Variants in IL1R2 observed in about 807,000 individuals in gnomAD.
IL1R2 encodes the protein interleukin 1 receptor type 2, also known as interleukin-1 receptor type 2.
A neutral mutation model predicts 39.5 loss-of-function variants in IL1R2; 46 were observed. That is an observed-to-expected ratio of 1.16 (90% CI 0.92 to 1.49). The LOEUF is 1.49. IL1R2 is among the 40% of genes most tolerant of loss of function. The probability of loss-of-function intolerance (pLI) is 0.00; values close to 1 mark genes in which losing one functional copy is unlikely to be tolerated. For missense variants in IL1R2, 537 were observed against 502.0 expected (o/e 1.07, Z -0.67); for synonymous variants, 207 against 189.6 (o/e 1.09, Z -0.75).
At chr2:102,015,163 T>C (rs1192959995) in intron 3 of IL1R2, among the ~76,000 whole-genome samples, 4 of 152,174 alleles carry the variant, frequency 2.6e-5, no homozygotes, top group African/African-American at 9.7e-5. Flanking sequence ...AAACAATCTC[T>C]GCATGTGGAT....
At position 102,024,540 on chromosome 2, in the gene IL1R2, A is replaced by C. The variant is rs1298141595; in HGVS notation, c.759A>C (p.Arg253Ser). 3.1e-6 allele frequency: 5 copies of C among 1,613,880 alleles called. No homozygotes were observed. The highest frequency in any genetic ancestry group is 4.2e-6 in the Non-Finnish European group (5 of 1,179,828). Residue 253 changes from arginine (R) to serine (S), a missense_variant, in exon 7 of 9, where the codon AGA (arginine) becomes AGC (serine). Coordinates refer to ENST00000332549, the MANE Select transcript of IL1R2 (RefSeq NM_004633.4). ...GTGCCTTGCCATCCACAGGGTCAAG[A>C]CTGACAATCCCGTGTAAGGTGTTTC... Reference protein sequence around the residue: ...LKTISASLGSRLTIPCKVFLG... With the variant: ...LKTISASLGSSLTIPCKVFLG...
intron 7 of IL1R2, among the ~76,000 whole-genome samples, chr2:102,025,027 A>G (rs1302053220): frequency 6.6e-6 from 1 of 152,186 alleles, no homozygotes; most frequent in Non-Finnish European, 1.5e-5. Flanking sequence ...AACCCTTAAA[A>G]AGACCCTGAG....
intron 1 of IL1R2, among the ~76,000 whole-genome samples, chr2:102,001,287 AC>A (rs1675844675): frequency 6.6e-6 from 1 of 152,224 alleles, no homozygotes; most frequent in South Asian, 2.1e-4. Flanking sequence ...TTGCTGGCAG[AC>A]AGTATAAAGA....
intron 4 of IL1R2, among the ~76,000 whole-genome samples, chr2:102,017,398 G>GAAAAAAAAA (rs56358561): frequency 5.3e-5 from 6 of 113,354 alleles, no homozygotes; most frequent in Admixed American, 1.8e-4. Flanking sequence ...CTCCATCTCA[G>GAAAAAAAAA]AAAAAAAAAA....
intron 6 of IL1R2, 80 bp from the exon 7 acceptor site, chr2:102,024,453 G>A (rs1376931712): frequency 1.0e-6 from 1 of 977,630 alleles, no homozygotes; most frequent in Non-Finnish European, 1.7e-6. Flanking sequence ...AGAAGCCGAG[G>A]AGGGACTCAG....
At chr2:102,007,700 A>G (rs148346902) in intron 1 of IL1R2, among the ~76,000 whole-genome samples, 127 of 152,306 alleles carry the variant, frequency 8.3e-4, no homozygotes, top group Non-Finnish European at 1.3e-3. Context: ...TTTTTCCCCT[A>G]TTGAAAAGCA....
intron 3 of IL1R2, among the ~76,000 whole-genome samples, chr2:102,010,969 C>T (rs1015892735): frequency 5.9e-5 from 9 of 152,122 alleles, no homozygotes; most frequent in South Asian, 2.1e-4. Context: ...CTAGGTACCT[C>T]GTTTAAATCG....
At chr2:102,013,587 GAA>G (rs57976300) in intron 3 of IL1R2, among the ~76,000 whole-genome samples, 16,653 of 60,890 alleles carry the variant, frequency 0.27, 1,478 homozygotes, top group East Asian at 0.41. Flanking sequence ...AAAAGAAAAA[GAA>G]AAAAAAAAAA....
chr2:102,008,847 C>A (rs1033149412), intron 2 of IL1R2, among the ~76,000 whole-genome samples: 1 of 143,050 alleles, frequency 7.0e-6, no homozygotes, highest in South Asian at 2.3e-4. Flanking sequence ...CATAGAGAGA[C>A]CCACGTCTCT....
intron 1 of IL1R2, among the ~76,000 whole-genome samples, chr2:102,001,701 T>C (rs535026796): frequency 8.5e-5 from 13 of 152,344 alleles, no homozygotes; most frequent in African/African-American, 3.1e-4. Context: ...GTCTTCCCTC[T>C]TAAAATTCTG....
chr2:102,023,875 A>G (rs771321953), intron 6 of IL1R2, among the ~76,000 whole-genome samples: 1 of 151,422 alleles, frequency 6.6e-6, no homozygotes, highest in Admixed American at 6.6e-5. Context: ...GTGAAACCCC[A>G]TCTCTACTAA....
intron 1 of IL1R2, among the ~76,000 whole-genome samples, chr2:101,995,157 T>C (rs1261506564): frequency 6.6e-6 from 1 of 152,186 alleles, no homozygotes; most frequent in Non-Finnish European, 1.5e-5. Context: ...GGTCACATGC[T>C]GGGTGGGCCT....
intron 1 of IL1R2, among the ~76,000 whole-genome samples, chr2:102,006,809 T>C (rs796708003): frequency 6.6e-6 from 1 of 152,350 alleles, no homozygotes; most frequent in African/African-American, 2.4e-5. Context: ...GCCCTGCCGA[T>C]GGCCGGGTGG....
chr2:102,003,988 GGTCTAT>G (rs58345449), intron 1 of IL1R2, among the ~76,000 whole-genome samples: 16,642 of 140,402 alleles, frequency 0.12, 1,207 homozygotes, highest in African/African-American at 0.2. Context: ...TCTCGGTCTG[GGTCTAT>G]GTCTATGTCT....
At chr2:102,014,305 T>G (rs1577713004) in intron 3 of IL1R2, among the ~76,000 whole-genome samples, 1 of 152,196 alleles carries the variant, frequency 6.6e-6, no homozygotes, top group Admixed American at 6.5e-5. Context: ...TAATTCCTAC[T>G]TCATGGGGGC....
intron 3 of IL1R2, among the ~76,000 whole-genome samples, chr2:102,013,847 C>T (rs906776683): frequency 7.4e-4 from 112 of 152,090 alleles, no homozygotes; most frequent in Middle Eastern, 6.8e-3. Context: ...TGTAGAAGGG[C>T]CACACATATA....
intron 1 of IL1R2, 102 bp from the exon 2 acceptor site, chr2:102,008,413 C>T: frequency 1.6e-6 from 1 of 640,510 alleles, no homozygotes; most frequent in South Asian, 1.9e-5. Context: ...AAAAGGTTCC[C>T]ATTATCCAGT....
intron 1 of IL1R2, among the ~76,000 whole-genome samples, chr2:101,992,607 G>GGAGACAGAGAGAGGCAGA (rs1278350059): frequency 1.3e-5 from 1 of 75,720 alleles, no homozygotes; most frequent in Non-Finnish European, 2.8e-5. Context: ...AGAGATAGAG[G>GGAGACAGAGAGAGGCAGA]GAGACAGAGA....
At chr2:101,995,605 C>T (rs573713713) in intron 1 of IL1R2, among the ~76,000 whole-genome samples, 166 of 152,290 alleles carry the variant, frequency 1.1e-3, no homozygotes, top group African/African-American at 3.3e-3. Flanking sequence ...GTGTGTTACA[C>T]GGCAATAGAA....
Sources: gnomAD v4.1 joint callset for allele counts (sites outside exome capture counted in the v4.1 genomes callset) on GRCh38, gnomAD v4.1.1 for gene constraint, MANE v1.5 for transcripts, NCBI Gene and HGNC (gene_info 2026-07-23, HGNC 2026-07-21) for gene names.